Variants in BCL6 observed in about 807,000 individuals in gnomAD.
BCL6 encodes the protein B-cell lymphoma 6 protein.
Under a neutral mutation model 59.5 loss-of-function variants are expected in BCL6, and 7 were observed. The ratio of observed to expected loss-of-function variants is 0.12; its 90% CI spans 0.07 to 0.22. BCL6 has a LOEUF of 0.22. Among genes scored for constraint, BCL6 ranks in the 10% least tolerant of loss-of-function variants. The probability of loss-of-function intolerance (pLI) is 1.00; values close to 1 mark genes in which losing one functional copy is unlikely to be tolerated. For synonymous variants in BCL6, 339 were observed against 349.7 expected, an observed-to-expected ratio of 0.97 and a Z score of 0.34; for missense variants, 685 against 939.4, an observed-to-expected ratio of 0.73 and a Z score of 3.54.
At chr3:187,735,594 A>G (rs1444176557) in intron 1 of BCL6, among the ~76,000 whole-genome samples, 3 of 152,228 alleles carry the variant, frequency 2.0e-5, no homozygotes, top group Non-Finnish European at 2.9e-5. Flanking sequence ...TGGGTCTAAG[A>G]CCAGACAGAA....
intron 1 of BCL6, among the ~76,000 whole-genome samples, chr3:187,735,827 T>G (rs1269781976): frequency 6.6e-6 from 1 of 151,878 alleles, no homozygotes; most frequent in Non-Finnish European, 1.5e-5. Context: ...TTGAACTGTC[T>G]TCCCCCCTTT....
In BCL6 at chr3:187,725,617, T is replaced by C. The variant is rs1458680123; in HGVS notation, c.1721A>G (p.Tyr574Cys). 6.2e-6 allele frequency: 10 copies of C among 1,614,186 alleles called. No individual in the cohort carries two copies. The highest frequency in any genetic ancestry group is 8.5e-6 in the Non-Finnish European group (10 of 1,180,030). Residue 574 changes from tyrosine (Y) to cysteine (C), a missense_variant, in exon 8 of 10, where the codon TAT becomes TGT. Coordinates refer to ENST00000406870, the MANE Select transcript of BCL6 (RefSeq NM_001706.5). This position sits in a 1 kb window ranked among gnomAD's most constrained non-coding sequence, Gnocchi z 4.7. ...CTGGGCCCCACAGATGTTGCAACGA[T>C]AGGGTTTCTCACCTATTACCAAGAA... ...HKTVHTGEKP[Y>C]RCNICGAQFN...
At chr3:187,738,454 C>T (rs568501964) in intron 1 of BCL6, among the ~76,000 whole-genome samples, 66 of 152,272 alleles carry the variant, frequency 4.3e-4, no homozygotes, top group Middle Eastern at 3.4e-3. Context: ...AGAACAGGAG[C>T]TGCCAAGCCG....
chr3:187,738,435 A>G (rs997786696), intron 1 of BCL6, among the ~76,000 whole-genome samples: 1 of 152,140 alleles, frequency 6.6e-6, no homozygotes, highest in African/African-American at 2.4e-5. Context: ...GTTTCCGCCC[A>G]AAGTCTTTAG....
chr3:187,744,180 A>T (rs1276105378), intron 1 of BCL6, among the ~76,000 whole-genome samples: 2 of 152,198 alleles, frequency 1.3e-5, no homozygotes, highest in African/African-American at 4.8e-5. Flanking sequence ...GAGCCAACAC[A>T]GAGTCACGCA....
chr3:187,724,854 T>TGCTCCACCTCCTTCCCTGC (rs199791064), intron 9 of BCL6, 87 bp downstream of exon 9: 17 of 1,469,786 alleles, frequency 1.2e-5, no homozygotes, highest in African/African-American at 2.8e-5. Flanking sequence ...ACTGCCTCCC[T>TGCTCCACCTCCTTCCCTGC]GCTCCACCTC....
intron 1 of BCL6, among the ~76,000 whole-genome samples, chr3:187,740,379 AC>A (rs1711543775): frequency 6.6e-6 from 1 of 151,998 alleles, no homozygotes; most frequent in Non-Finnish European, 1.5e-5. Flanking sequence ...GAGCTCCGAG[AC>A]CCACACCCTT....
Position 187,731,909 on chromosome 3 carries a change from A to G in BCL6, c.183T>C (p.Phe61=). 1 of 1,614,068 alleles carries G rather than the reference A, an allele frequency of 6.2e-7. No individual in the cohort carries two copies. Among genetic ancestry groups the G allele is most frequent in the Non-Finnish European group, 8.5e-7 (1 of 1,179,934 alleles). The change falls in exon 4 of 10, where the codon TTT becomes TTC. Residue 61 remains phenylalanine (F), a synonymous_variant. Transcript: ENST00000406870. ...MACSGLFYSI[F]TDQLKCNLSV... The stretch of plus-strand genomic sequence containing the variant: ...TAAGGTTGCATTTCAACTGGTCTGT[A>G]AAGATGCTATAGAACAGGCCACTGT...
chr3:187,737,689 T>G (rs1479179116), intron 1 of BCL6: 1 of 151,106 alleles, frequency 6.6e-6, no homozygotes, highest in African/African-American at 2.4e-5. Context: ...GTGGCGGCCC[T>G]TAATTTAGTT....
At position 187,729,933 on chromosome 3, in the gene BCL6, G is replaced by C; in HGVS notation, c.472C>G (p.Arg158Gly). The stretch of plus-strand genomic sequence containing the variant: ...TTGTTCTCCACCACCTCACGACCCC[G>C]ATAGGCCATGATGTCTTGGGGCATC... ...MLMPQDIMAY[R>G]GREVVENNLP... The change falls in exon 5 of 10, where the codon CGG becomes GGG. Residue 158 changes from arginine (R) to glycine (G), a missense_variant. Physicochemically the swap from Arg to Gly is moderately radical, Grantham distance 125 (BLOSUM62 -2). This residue lies in a region of BCL6 where 268 missense variants were observed against 263.8 expected (regional missense o/e 1.02). Transcript: ENST00000406870. The surrounding 1 kb of genome is among the most constrained non-coding windows in gnomAD (Gnocchi z 5.6). The C allele has an allele frequency of 1.2e-6, 2 of 1,613,864 alleles. No individual in the cohort carries two copies. Among genetic ancestry groups the C allele is most frequent in the Non-Finnish European group, 1.7e-6 (2 of 1,179,886 alleles).
chr3:187,724,797 C>A, intron 9 of BCL6, 144 bp downstream of exon 9: 1 of 1,180,030 alleles, frequency 8.5e-7, no homozygotes, highest in Non-Finnish European at 1.2e-6. Context: ...CAACCATTAG[C>A]GTAGTGGTTG....
chr3:187,729,517 A>G lies in BCL6; in HGVS notation c.888T>C (p.Cys296=). ...TCTCTTCTTCTTTGCTGGCCTTGTC[A>G]CAAGGGAAGTAGGGGGCATTTCGGG... is the stretch of plus-strand genomic sequence containing the variant. ...PSARNAPYFP[C]DKASKEEERP... Residue 296 remains cysteine, a synonymous_variant, in exon 5 of 10, where the codon TGT becomes TGC. Coordinates refer to ENST00000406870, the MANE Select transcript of BCL6 (RefSeq NM_001706.5). This position sits in a 1 kb window ranked among gnomAD's most constrained non-coding sequence, Gnocchi z 5.6. 6.2e-7 allele frequency: 1 copy of G among 1,613,600 alleles called. No homozygotes were observed. The highest frequency in any genetic ancestry group is 8.5e-7 in the Non-Finnish European group (1 of 1,179,890).
chr3:187,738,989 C>A (rs538110416), intron 1 of BCL6, among the ~76,000 whole-genome samples: 1 of 152,300 alleles, frequency 6.6e-6, no homozygotes, highest in African/African-American at 2.4e-5. Flanking sequence ...TTACCGCTGC[C>A]TAACGCTAGA....
At chr3:187,742,200 G>T (rs1406477443) in intron 1 of BCL6, among the ~76,000 whole-genome samples, 9 of 152,098 alleles carry the variant, frequency 5.9e-5, no homozygotes, top group Admixed American at 5.9e-4. Flanking sequence ...CCGAGGGGTG[G>T]CGCTGCTGCA....
intron 1 of BCL6, among the ~76,000 whole-genome samples, chr3:187,735,288 G>A (rs1009614543): frequency 5.9e-5 from 9 of 152,302 alleles, no homozygotes; most frequent in Admixed American, 4.6e-4. Context: ...CGATTCGTCC[G>A]TGGCCTAAAA....
intron 9 of BCL6, among the ~76,000 whole-genome samples, chr3:187,723,322 A>G (rs1248318327): frequency 3.3e-5 from 5 of 152,362 alleles, no homozygotes; most frequent in Admixed American, 3.3e-4. Flanking sequence ...GATAAAAGTT[A>G]CTTAAAAGTA....
At chr3:187,744,746 G>C (rs952513062) in intron 1 of BCL6, among the ~76,000 whole-genome samples, 11 of 152,212 alleles carry the variant, frequency 7.2e-5, no homozygotes, top group East Asian at 1.9e-4. Flanking sequence ...AGAAGGACAG[G>C]GGAAGGGAAG....
At chr3:187,744,145 A>G (rs542872503) in intron 1 of BCL6, among the ~76,000 whole-genome samples, 2 of 152,286 alleles carry the variant, frequency 1.3e-5, no homozygotes, top group Admixed American at 6.5e-5. Context: ...AATAAAATTT[A>G]GGAAAGGGAG....
chr3:187,743,122 C>T (rs1711673465), intron 1 of BCL6, among the ~76,000 whole-genome samples: 1 of 151,978 alleles, frequency 6.6e-6, no homozygotes, highest in South Asian at 2.1e-4. Context: ...CGCTCAGAGC[C>T]ACAAACTGTA....
Sources: allele counts gnomAD v4.1 joint callset (sites outside exome capture counted in the v4.1 genomes callset), GRCh38; gene constraint gnomAD v4.1.1; regional missense constraint gnomAD v4.1.1; non-coding constraint Gnocchi (gnomAD v3.1); transcripts MANE v1.5; gene names NCBI Gene and HGNC (gene_info 2026-07-23, HGNC 2026-07-21).